Variants in TPD52 observed in about 807,000 individuals in gnomAD.
The protein encoded by TPD52 is tumor protein D52.
Under a neutral mutation model 31.3 loss-of-function variants are expected in TPD52, and 17 were observed. The observed-to-expected ratio is 0.54, with a 90% CI of 0.37 to 0.82. TPD52 has a LOEUF of 0.82. Ranked by LOEUF, TPD52 falls within the 40% of genes least tolerant of loss-of-function variation. The pLI, the probability that TPD52 is intolerant of heterozygous loss-of-function variation, is 0.00. For missense variants in TPD52, 212 were observed against 240.1 expected, an observed-to-expected ratio of 0.88 and a Z score of 0.77; for synonymous variants, 83 against 89.6, an observed-to-expected ratio of 0.93 and a Z score of 0.42.
chr8:80,135,384 C>T (rs2370371), intron 1 of TPD52, among the ~76,000 whole-genome samples: 65,908 of 151,948 alleles, frequency 0.43, 14,911 homozygotes, highest in East Asian at 0.78. Flanking sequence ...AGTTTTATCT[C>T]GGTGAACTAC....
At chr8:80,157,908 A>G (rs1330204767) in intron 1 of TPD52, among the ~76,000 whole-genome samples, 1 of 152,196 alleles carries the variant, frequency 6.6e-6, no homozygotes, top group East Asian at 1.9e-4. Context: ...TTGCATTAAA[A>G]GCATCTTAAC....
chr8:80,107,588 C>CTA (rs776469288), intron 1 of TPD52, among the ~76,000 whole-genome samples: 27 of 152,038 alleles, frequency 1.8e-4, no homozygotes, highest in African/African-American at 4.6e-4. Context: ...GTGTGTGTGT[C>CTA]TATATATATA....
At chr8:80,117,183 G>A (rs1807924707) in intron 1 of TPD52, among the ~76,000 whole-genome samples, 1 of 152,084 alleles carries the variant, frequency 6.6e-6, no homozygotes, top group Non-Finnish European at 1.5e-5. Flanking sequence ...AAAGGCATCC[G>A]TTTTGGAAAT....
intron 2 of TPD52, among the ~76,000 whole-genome samples, chr8:80,063,761 C>A (rs1812799645): frequency 6.6e-6 from 1 of 151,836 alleles, no homozygotes; most frequent in African/African-American, 2.4e-5. Flanking sequence ...TGTGCCACTG[C>A]ACTCCAGCCT....
chr8:80,053,213 C>A, intron 3 of TPD52, 69 bp downstream of exon 3: 1 of 1,510,182 alleles, frequency 6.6e-7, no homozygotes, highest in Non-Finnish European at 8.9e-7. Flanking sequence ...TTTTCTTCCC[C>A]TCTCCAGACA....
chr8:80,109,509 C>A (rs998697274), intron 1 of TPD52, among the ~76,000 whole-genome samples: 1 of 152,126 alleles, frequency 6.6e-6, no homozygotes, highest in African/African-American at 2.4e-5. Context: ...CAGGTTCAAG[C>A]GATTCTCCTG....
chr8:80,121,483 T>C (rs1292305140), intron 1 of TPD52, among the ~76,000 whole-genome samples: 3 of 152,210 alleles, frequency 2.0e-5, no homozygotes, highest in Admixed American at 2.0e-4. Flanking sequence ...TCTTACTTAA[T>C]GCAGCCATTA....
chr8:80,142,508 T>C (rs1310963847), intron 1 of TPD52, among the ~76,000 whole-genome samples: 1 of 152,160 alleles, frequency 6.6e-6, no homozygotes, highest in Non-Finnish European at 1.5e-5. Flanking sequence ...CCCTTTGGAT[T>C]ACTTTGGGAG....
intron 1 of TPD52, among the ~76,000 whole-genome samples, chr8:80,101,951 CAG>C (rs770845812): frequency 2.6e-5 from 4 of 152,122 alleles, no homozygotes; most frequent in Non-Finnish European, 4.4e-5. Context: ...GAAAGAGAAA[CAG>C]AGGAGGAAGG....
At chr8:80,102,292 C>CT (rs1806800666) in intron 1 of TPD52, among the ~76,000 whole-genome samples, 1 of 152,210 alleles carries the variant, frequency 6.6e-6, no homozygotes, top group Non-Finnish European at 1.5e-5. Context: ...ATTCACGTAG[C>CT]TACTGAGGAG....
At chr8:80,059,326 A>G (rs1052960235) in intron 2 of TPD52, among the ~76,000 whole-genome samples, 1 of 152,190 alleles carries the variant, frequency 6.6e-6, no homozygotes, top group African/African-American at 2.4e-5. Flanking sequence ...AGAAATGTAT[A>G]GTTATAAATG....
intron 1 of TPD52, among the ~76,000 whole-genome samples, chr8:80,148,120 T>G (rs531271348): frequency 6.6e-6 from 1 of 151,480 alleles, no homozygotes; most frequent in African/African-American, 2.4e-5. Context: ...AAAAAGTAAG[T>G]GGTATTTTAT....
At chr8:80,134,923 G>A (rs1021703616) in intron 1 of TPD52, among the ~76,000 whole-genome samples, 5 of 152,158 alleles carry the variant, frequency 3.3e-5, no homozygotes, top group East Asian at 1.9e-4. Context: ...GTTACACAGC[G>A]ATAGATAACT....
chr8:80,060,216 T>A (rs7837150), intron 2 of TPD52, among the ~76,000 whole-genome samples: 2 of 148,646 alleles, frequency 1.3e-5, no homozygotes, highest in Admixed American at 6.8e-5. Flanking sequence ...ACTAACCTTA[T>A]AGAAACAGAA....
chr8:80,103,845 A>T (rs1241369697), intron 1 of TPD52, among the ~76,000 whole-genome samples: 1 of 152,244 alleles, frequency 6.6e-6, no homozygotes, highest in Non-Finnish European at 1.5e-5. Context: ...GACCTCCACT[A>T]GGAAAGGTTC....
In TPD52 at chr8:80,037,805, A is replaced by G. The variant is rs1810013334; in HGVS notation, c.*311T>C. ...CATTCCAGATCTGGAGCAATTTTGT[A>G]AAGCAGGAAAACAACTATGACAATC... On this transcript the variant is annotated 3_prime_UTR_variant, in exon 8 of 8. Transcript: ENST00000518937. 1 of 210,994 alleles carries G rather than the reference A, an allele frequency of 4.7e-6. No individual in the cohort carries two copies. Among genetic ancestry groups the G allele is most frequent in the African/African-American group, 2.3e-5 (1 of 43,742 alleles). 13.1% of individuals were successfully genotyped at this position (210,994 alleles called of 1,614,324 possible). A position where few individuals can be genotyped will look rare whatever the true frequency, so the allele number is the denominator to read the frequency against.
At chr8:80,033,575 C>T (rs1262915298), downstream of TPD52, among the ~76,000 whole-genome samples, 4 of 152,156 alleles carry the variant, frequency 2.6e-5, no homozygotes, top group Non-Finnish European at 4.4e-5. Context: ...AGCGTGTCAC[C>T]GCCCCAGCTT....
rs202240755 is a variant in TPD52, at chr8:80,051,566, G to A, written c.347C>T (p.Ser116Phe). 1.5e-4 allele frequency: 234 copies of A among 1,613,434 alleles called. No individual in the cohort carries two copies. Among genetic ancestry groups the A allele is most frequent in the Non-Finnish European group, 1.7e-4 (202 of 1,179,726 alleles). Residue 116 changes from serine to phenylalanine, a missense_variant, in exon 4 of 8, where the codon TCT becomes TTT. Transcript: ENST00000518937. ...CTTTTTGGTGATGACTGAGCCAACAGACGAAAAAGCAGCTGAGGCCTTCTG... is the reference window on the plus strand; with the variant it reads ...CTTTTTGGTGATGACTGAGCCAACAAACGAAAAAGCAGCTGAGGCCTTCTG... ...AGQKASAAFS[S>F]VGSVITKKLE...
intron 1 of TPD52, among the ~76,000 whole-genome samples, chr8:80,117,351 AT>A (rs2131009939): frequency 1.3e-5 from 2 of 152,346 alleles, no homozygotes; most frequent in South Asian, 4.1e-4. Context: ...TACAATTTCA[AT>A]GAATAACCTA....
Sources: allele counts gnomAD v4.1 joint callset (sites outside exome capture counted in the v4.1 genomes callset), GRCh38; gene constraint gnomAD v4.1.1; transcripts MANE v1.5; gene names NCBI Gene and HGNC (gene_info 2026-07-23, HGNC 2026-07-21).